HS6ST1: variants seen among roughly 807,000 people sequenced by gnomAD.
The protein encoded by HS6ST1 is heparan sulfate 6-O-sulfotransferase 1, also known as heparan-sulfate 6-O-sulfotransferase 1.
A neutral mutation model predicts 25.2 loss-of-function variants in HS6ST1; 3 were observed. The ratio of observed to expected loss-of-function variants is 0.12; its 90% CI spans 0.05 to 0.31. The LOEUF (loss-of-function observed/expected upper bound fraction) is 0.31, where lower values mean the gene tolerates loss of function less well. Ranked by LOEUF, HS6ST1 falls within the 10% of genes least tolerant of loss-of-function variation. The pLI, the probability that HS6ST1 is intolerant of heterozygous loss-of-function variation, is 1.00. For synonymous variants in HS6ST1, 204 were observed against 275.1 expected (o/e 0.74, Z 2.56); for missense variants, 310 against 609.6 (o/e 0.51, Z 5.18).
chr2:128,300,212 T>C (rs900086894), intron 1 of HS6ST1, among the ~76,000 whole-genome samples: 11 of 152,310 alleles, frequency 7.2e-5, no homozygotes, highest in Non-Finnish European at 1.3e-4. Flanking sequence ...GCTGAGGGCA[T>C]AGCTGGCATG....
At chr2:128,271,242 G>T (rs565883618) in intron 1 of HS6ST1, among the ~76,000 whole-genome samples, 4 of 152,228 alleles carry the variant, frequency 2.6e-5, no homozygotes, top group African/African-American at 9.7e-5. Flanking sequence ...CTGCAGATGG[G>T]GTCTCCCATG....
At chr2:128,287,779 C>G (rs1482135715) in intron 1 of HS6ST1, among the ~76,000 whole-genome samples, 3 of 152,210 alleles carry the variant, frequency 2.0e-5, no homozygotes, top group Non-Finnish European at 4.4e-5. Context: ...CTTCCATGAG[C>G]AGAAGGGGTG....
chr2:128,269,985 C>T (rs772761032), intron 1 of HS6ST1, among the ~76,000 whole-genome samples: 13 of 152,218 alleles, frequency 8.5e-5, no homozygotes, highest in Non-Finnish European at 1.5e-4. Context: ...GACCGCACAC[C>T]TCCCTGCAGG....
rs1042811156 is a variant in HS6ST1, at chr2:128,280,345, A to G, written c.528-11475T>C. 2.0e-5 allele frequency among the ~76,000 whole-genome samples: 3 copies of G among 152,190 alleles called. No individual in the cohort carries two copies. In the South Asian group the frequency reaches 6.2e-4, roughly 32 times the overall value. On this transcript the variant is annotated intron_variant, in intron 1 of 1. Transcript: ENST00000259241. ...GGCCACAAGGCCGGGCTGGCTGTCC[A>G]TGGTGTCATTCCTTCTGAGAGGGGG...
intron 1 of HS6ST1, among the ~76,000 whole-genome samples, chr2:128,298,511 C>T (rs74516539): frequency 0.012 from 1,751 of 152,244 alleles, 48 homozygotes; most frequent in African/African-American, 0.039. Flanking sequence ...GATTCTGACA[C>T]AGGATAAAAT....
At chr2:128,271,548 C>A (rs984628416) in intron 1 of HS6ST1, among the ~76,000 whole-genome samples, 1 of 152,196 alleles carries the variant, frequency 6.6e-6, no homozygotes, top group Non-Finnish European at 1.5e-5. Context: ...CGGGGAAATG[C>A]GAGGGAGGGA....
intron 1 of HS6ST1, among the ~76,000 whole-genome samples, chr2:128,303,359 G>A (rs965019781): frequency 8.5e-5 from 13 of 152,230 alleles, no homozygotes; most frequent in African/African-American, 3.1e-4. Context: ...ACACCCATGG[G>A]GCCACCCTGA....
At chr2:128,274,142 C>T (rs1198017365) in intron 1 of HS6ST1, among the ~76,000 whole-genome samples, 1 of 152,104 alleles carries the variant, frequency 6.6e-6, no homozygotes, top group South Asian at 2.1e-4. Flanking sequence ...CAAGTGCCTG[C>T]CAGCAAGGCT....
chr2:128,318,619 C>G lies in HS6ST1; in HGVS notation c.-56G>C, dbSNP rs2104942000. The G allele has an allele frequency of 1.2e-6, 1 of 849,102 alleles. No individual in the cohort carries two copies. The highest frequency in any genetic ancestry group is 5.5e-5 in the South Asian group (1 of 18,038). The allele number at this position is 849,102 out of a possible 1,614,324, so 52.6% of individuals were successfully genotyped here. On this transcript the variant is annotated 5_prime_UTR_variant, in exon 1 of 2. Coordinates refer to ENST00000259241, the MANE Select transcript of HS6ST1 (RefSeq NM_004807.3). This position sits in a 1 kb window ranked among gnomAD's most constrained non-coding sequence, Gnocchi z 5.7. Reference sequence around the variant, plus strand: ...GCGCGGGGCCTGGGAGGGCAGGAGGCGCGGGCGCAGCTGCCTCCGCCGCCG... The same window carrying G: ...GCGCGGGGCCTGGGAGGGCAGGAGGGGCGGGCGCAGCTGCCTCCGCCGCCG...
intron 1 of HS6ST1, among the ~76,000 whole-genome samples, chr2:128,313,212 T>C (rs529401063): frequency 5.3e-5 from 8 of 152,246 alleles, no homozygotes; most frequent in African/African-American, 1.9e-4. Flanking sequence ...TTCAGACTAT[T>C]CAACTCAGAA....
chr2:128,275,581 A>T (rs1693681255), intron 1 of HS6ST1, among the ~76,000 whole-genome samples: 1 of 152,204 alleles, frequency 6.6e-6, no homozygotes, highest in African/African-American at 2.4e-5. Flanking sequence ...AGTAAAAGAA[A>T]ACGAGGAAAC....
chr2:128,315,392 C>G (rs1694346643), intron 1 of HS6ST1, among the ~76,000 whole-genome samples: 1 of 152,190 alleles, frequency 6.6e-6, no homozygotes, highest in Non-Finnish European at 1.5e-5. Context: ...CACAGGCCCA[C>G]TGAGACCCTC....
chr2:128,287,764 G>A (rs1450816980), intron 1 of HS6ST1, among the ~76,000 whole-genome samples: 5 of 152,204 alleles, frequency 3.3e-5, no homozygotes, highest in South Asian at 2.1e-4. Context: ...GGGCTCTGCC[G>A]AGGTCTTCCA....
intron 1 of HS6ST1, among the ~76,000 whole-genome samples, chr2:128,287,753 G>T (rs1693887131): frequency 6.6e-6 from 1 of 152,224 alleles, no homozygotes; most frequent in South Asian, 2.1e-4. Flanking sequence ...CACCTGGAAT[G>T]GGGCTCTGCC....
intron 1 of HS6ST1, among the ~76,000 whole-genome samples, chr2:128,306,489 G>A (rs1000022958): frequency 6.6e-6 from 1 of 152,208 alleles, no homozygotes; most frequent in African/African-American, 2.4e-5. Flanking sequence ...ATGCTCTAGA[G>A]AGGTAAATAT....
intron 1 of HS6ST1, among the ~76,000 whole-genome samples, chr2:128,269,800 C>T (rs1427091703): frequency 3.9e-5 from 6 of 152,222 alleles, no homozygotes; most frequent in African/African-American, 1.4e-4. Flanking sequence ...GGGGGAGCAG[C>T]TCCAGAAGGG....
chr2:128,273,346 G>A (rs1693640690), intron 1 of HS6ST1, among the ~76,000 whole-genome samples: 1 of 152,208 alleles, frequency 6.6e-6, no homozygotes, highest in Non-Finnish European at 1.5e-5. Context: ...TATAGACAAA[G>A]GGCCAGCCAG....
chr2:128,313,064 C>T (rs1258389894), intron 1 of HS6ST1, among the ~76,000 whole-genome samples: 1 of 149,882 alleles, frequency 6.7e-6, no homozygotes, highest in East Asian at 1.9e-4. Flanking sequence ...GACTCCATCT[C>T]AAAAAAAAAA....
chr2:128,305,649 T>C (rs2104933588), intron 1 of HS6ST1, among the ~76,000 whole-genome samples: 1 of 152,364 alleles, frequency 6.6e-6, no homozygotes, highest in African/African-American at 2.4e-5. Flanking sequence ...GCTTAGTGCC[T>C]GGGCAGAGCC....
Sources: allele counts gnomAD v4.1 joint callset (sites outside exome capture counted in the v4.1 genomes callset), GRCh38; gene constraint gnomAD v4.1.1; non-coding constraint Gnocchi (gnomAD v3.1); transcripts MANE v1.5; gene names NCBI Gene and HGNC (gene_info 2026-07-23, HGNC 2026-07-21).